The following GLIS3 variants were observed in gnomAD, a reference collection of about 807,000 sequenced individuals.
GLIS3 encodes zinc finger protein GLIS3.
GLIS3 carries 53 observed loss-of-function variants against 78.6 expected under a neutral mutation model. The observed-to-expected ratio is 0.67, with a 90% CI of 0.54 to 0.85. GLIS3 has a LOEUF of 0.85. GLIS3 is among the 40% of genes least tolerant of loss of function. GLIS3 has a pLI of 0.00. For missense variants in GLIS3, 1,703 were observed against 1,231.1 expected (o/e 1.38, Z -5.74); for synonymous variants, 684 against 509.9 (o/e 1.34, Z -4.60).
intron 4 of GLIS3, among the ~76,000 whole-genome samples, chr9:4,113,763 T>C (rs1355224803): frequency 6.6e-6 from 1 of 152,242 alleles, no homozygotes; most frequent in African/African-American, 2.4e-5. Context: ...CCCAGCTCTG[T>C]ATTTATTTTC....
chr9:3,909,404 C>T (rs1343374922), intron 6 of GLIS3, among the ~76,000 whole-genome samples: 1 of 152,136 alleles, frequency 6.6e-6, no homozygotes, highest in African/African-American at 2.4e-5. Context: ...AAATTCATTT[C>T]CTTTAGGAAT....
At chr9:3,890,152 C>G (rs1028922219) in intron 7 of GLIS3, among the ~76,000 whole-genome samples, 2 of 152,172 alleles carry the variant, frequency 1.3e-5, no homozygotes, top group African/African-American at 4.8e-5. Context: ...TCCCATTTCT[C>G]CTTTCTTCCA....
chr9:4,362,952 G>C, the GLIS3 span, among the ~76,000 whole-genome samples: 1 of 152,116 alleles, frequency 6.6e-6, no homozygotes, highest in Non-Finnish European at 1.5e-5. Flanking sequence ...AGGGAGAAAT[G>C]CTGGCAATCA....
At chr9:4,050,956 C>T (rs1825709529) in intron 4 of GLIS3, among the ~76,000 whole-genome samples, 1 of 152,208 alleles carries the variant, frequency 6.6e-6, no homozygotes, top group Non-Finnish European at 1.5e-5. Flanking sequence ...CAATAAACTA[C>T]AAAGATTTAT....
intron 4 of GLIS3, among the ~76,000 whole-genome samples, chr9:3,993,012 G>T (rs1260696369): frequency 6.6e-6 from 1 of 152,128 alleles, no homozygotes; most frequent in Non-Finnish European, 1.5e-5. Flanking sequence ...CGGCTGCCAG[G>T]GTAAATCATA....
At chr9:4,251,294 A>G (rs1327861674) in intron 2 of GLIS3, among the ~76,000 whole-genome samples, 1 of 152,072 alleles carries the variant, frequency 6.6e-6, no homozygotes, top group Non-Finnish European at 1.5e-5. Context: ...GTCCTCCTGT[A>G]TTGACTGCAT....
the GLIS3 span, among the ~76,000 whole-genome samples, chr9:4,376,727 G>C: frequency 5.9e-5 from 8 of 135,288 alleles, 1 homozygote; most frequent in Admixed American, 1.5e-4. Flanking sequence ...AAAACTATTA[G>C]ATACTATTTT....
At chr9:4,282,413 C>G (rs1042641330) in intron 2 of GLIS3, among the ~76,000 whole-genome samples, 1 of 152,186 alleles carries the variant, frequency 6.6e-6, no homozygotes, top group Non-Finnish European at 1.5e-5. Flanking sequence ...TGGTTCTCAG[C>G]CCATCAGTTG....
In GLIS3 at chr9:4,291,194, G is replaced by A. The variant is rs1815944506; in HGVS notation, c.-98-4671C>T. Among the ~76,000 whole-genome samples the A allele has an allele frequency of 3.3e-5, 5 of 152,110 alleles. No individual in the cohort carries two copies. The South Asian group carries it at 1.0e-3, about 32-fold the overall frequency. On this transcript the variant is annotated intron_variant, in intron 1 of 10. Coordinates refer to ENST00000381971, the MANE Select transcript of GLIS3 (RefSeq NM_001042413.2). ...ATATATTTATTCTGAACACCAAGGT[G>A]TACAAATGTTACTTAAGCAATATAA...
At chr9:4,060,101 T>C (rs1826520164) in intron 4 of GLIS3, among the ~76,000 whole-genome samples, 2 of 152,122 alleles carry the variant, frequency 1.3e-5, no homozygotes, top group South Asian at 4.2e-4. Context: ...GTAGCCCTGG[T>C]AGCGCATATC....
chr9:4,045,116 T>G (rs1229240385), intron 4 of GLIS3, among the ~76,000 whole-genome samples: 1 of 152,166 alleles, frequency 6.6e-6, no homozygotes, highest in East Asian at 1.9e-4. Context: ...TAGAGTTGCC[T>G]TAGATCTTTG....
At chr9:4,331,318 G>C (rs565584915) in intron 2 of GLIS3, among the ~76,000 whole-genome samples, 2 of 151,956 alleles carry the variant, frequency 1.3e-5, no homozygotes, top group Non-Finnish European at 2.9e-5. Context: ...TCCTTGTCTC[G>C]TGACATCAAT....
At chr9:3,960,869 C>T (rs571579511) in intron 4 of GLIS3, among the ~76,000 whole-genome samples, 7 of 152,260 alleles carry the variant, frequency 4.6e-5, no homozygotes, top group African/African-American at 1.2e-4. Context: ...CCTGATGTTT[C>T]GCCAAACCAA....
At chr9:4,465,405 C>T in the GLIS3 span, among the ~76,000 whole-genome samples, 1 of 152,254 alleles carries the variant, frequency 6.6e-6, no homozygotes. Flanking sequence ...AAAAATTAGC[C>T]ATGCATGGTG....
intron 4 of GLIS3, among the ~76,000 whole-genome samples, chr9:4,005,905 G>C (rs1821504862): frequency 3.3e-5 from 5 of 152,128 alleles, no homozygotes; most frequent in Admixed American, 2.0e-4. Flanking sequence ...CCCTTCAGTT[G>C]TCTGTTAGTC....
chr9:4,421,257 C>T, the GLIS3 span, among the ~76,000 whole-genome samples: 10 of 152,170 alleles, frequency 6.6e-5, no homozygotes, highest in South Asian at 2.1e-4. Flanking sequence ...AGGACTCTCT[C>T]GTCCCACAGG....
chr9:3,955,953 A>G (rs1321564732), intron 4 of GLIS3, among the ~76,000 whole-genome samples: 1 of 150,058 alleles, frequency 6.7e-6, no homozygotes, highest in Non-Finnish European at 1.5e-5. Context: ...TATACGTACA[A>G]GTGATTGGCT....
the GLIS3 span, among the ~76,000 whole-genome samples, chr9:4,367,772 T>C: frequency 5.3e-5 from 8 of 152,066 alleles, no homozygotes; most frequent in East Asian, 5.8e-4. Context: ...TAGCAAATTC[T>C]AGAATGGAAA....
chr9:3,894,448 CAATTT>C (rs1314604519), intron 7 of GLIS3, among the ~76,000 whole-genome samples: 1 of 152,052 alleles, frequency 6.6e-6, no homozygotes, highest in African/African-American at 2.4e-5. Context: ...CAAATATACT[CAATTT>C]AAGAATGTAG....
Sources: allele counts gnomAD v4.1 joint callset (sites outside exome capture counted in the v4.1 genomes callset), GRCh38; gene constraint gnomAD v4.1.1; transcripts MANE v1.5; gene names NCBI Gene and HGNC (gene_info 2026-07-23, HGNC 2026-07-21).